The following PLA2G4C variants were observed in gnomAD, a reference collection of about 807,000 sequenced individuals.
PLA2G4C encodes phospholipase A2 group IVC.
A neutral mutation model predicts 73.8 loss-of-function variants in PLA2G4C; 64 were observed. The ratio of observed to expected loss-of-function variants is 0.87; its 90% confidence interval spans 0.71 to 1.07. The LOEUF is 1.07. Among genes scored for constraint, PLA2G4C ranks in the 50% least tolerant of loss-of-function variants. The pLI is 0.00. For missense variants in PLA2G4C, 622 were observed against 665.4 expected (o/e 0.93, Z 0.72); for synonymous variants, 254 against 252.1 (o/e 1.01, Z -0.07).
intron 10 of PLA2G4C, among the ~76,000 whole-genome samples, chr19:48,083,474 T>C (rs2030774303): frequency 6.7e-6 from 1 of 149,446 alleles, no homozygotes; most frequent in Middle Eastern, 3.2e-3. Flanking sequence ...TGAGACTGTG[T>C]TTCACTCTTG....
chr19:48,055,638 ACTTTT>A (rs58862853), intron 14 of PLA2G4C, among the ~76,000 whole-genome samples: 1 of 151,114 alleles, frequency 6.6e-6, no homozygotes, highest in Non-Finnish European at 1.5e-5. Flanking sequence ...CCGTGAAGGT[ACTTTT>A]CTTTTCTTAT....
At chr19:48,063,615 A>C (rs1407250594) in intron 13 of PLA2G4C, among the ~76,000 whole-genome samples, 2 of 81,260 alleles carry the variant, frequency 2.5e-5, no homozygotes, top group African/African-American at 4.9e-5. Context: ...CCCCCCCACA[A>C]CACCACCCCA....
At chr19:48,065,937 T>A (rs1454680183) in intron 13 of PLA2G4C, among the ~76,000 whole-genome samples, 1 of 151,884 alleles carries the variant, frequency 6.6e-6, no homozygotes, top group East Asian at 1.9e-4. Context: ...CTACTAAAAA[T>A]ACAAAATTAG....
In PLA2G4C at chr19:48,099,806, G is replaced by A. The variant is rs747135432; in HGVS notation, c.312C>T (p.Asp104=). 1.2e-6 allele frequency: 2 copies of A among 1,613,958 alleles called. No homozygotes were observed. The highest frequency in any genetic ancestry group is 1.1e-5 in the South Asian group (1 of 91,080). The change falls in exon 5 of 17, where the codon GAC becomes GAT. Residue 104 remains aspartate, a synonymous_variant. Transcript: ENST00000599921. Reference sequence around the variant, plus strand: ...CCTGTCGGGTAAATCGATGTTTCAGGTCAGCCTCGAGAGCTTCCATGTCAC... The same window carrying A: ...CCTGTCGGGTAAATCGATGTTTCAGATCAGCCTCGAGAGCTTCCATGTCAC... ...NDGDMEALEA[D]LKHRFTRQEW...
intron 2 of PLA2G4C, among the ~76,000 whole-genome samples, chr19:48,105,978 C>CT (rs59145503): frequency 0.023 from 1,788 of 78,154 alleles, 535 homozygotes; most frequent in African/African-American, 0.16. Flanking sequence ...TTCTTTCTTT[C>CT]TTTCTTTCTT....
intron 9 of PLA2G4C, among the ~76,000 whole-genome samples, chr19:48,085,905 G>A (rs1382693621): frequency 6.6e-6 from 1 of 152,130 alleles, no homozygotes; most frequent in African/African-American, 2.4e-5. Flanking sequence ...AGGAGCTGTG[G>A]GAAGAACCCT....
At position 48,110,556 on chromosome 19, in the gene PLA2G4C, T is replaced by TGGGCTCCGGAATCCGGTGCGGAGGCTC. The variant is rs567318332; in HGVS notation, c.-103_-102insGAGCCTCCGCACCGGATTCCGGAGCCC. ...TGCTCCGGAATCCGGTGCGGAGGCT[T>TGGGCTCCGGAATCCGGTGCGGAGGCTC]GGGCTCCCTGCGCTTAGCGGTGTAG... On this transcript the variant is annotated 5_prime_UTR_variant, in exon 1 of 17. Transcript: ENST00000599921. 2.0e-3 allele frequency: 2,973 copies of TGGGCTCCGGAATCCGGTGCGGAGGCTC among 1,490,818 alleles called. 202 individuals carry two copies. In the African/African-American group the frequency reaches 0.037, roughly 19 times the overall value. 92.3% of individuals were successfully genotyped at this position (1,490,818 alleles called of 1,614,324 possible). A position where few individuals can be genotyped will look rare whatever the true frequency, so the allele number is the denominator to read the frequency against.
chr19:48,098,370 G>A (rs1343233025), intron 5 of PLA2G4C, 111 bp from the exon 6 acceptor site: 1 of 997,502 alleles, frequency 1.0e-6, no homozygotes, highest in Non-Finnish European at 1.4e-6. Context: ...CTGTCACCCA[G>A]GCTGGAGTGC....
chr19:48,097,378 G>A (rs887288651), intron 6 of PLA2G4C, among the ~76,000 whole-genome samples: 27 of 144,418 alleles, frequency 1.9e-4, no homozygotes, highest in Middle Eastern at 7.8e-3. Context: ...TCAGCCTCCC[G>A]AGCAGCTGGG....
Position 48,070,825 on chromosome 19 carries a change from A to T in PLA2G4C, c.1007-2939T>A, listed in dbSNP as rs369917577. On this transcript the variant is annotated intron_variant, in intron 12 of 16. Transcript: ENST00000599921. ...ATCTAGGTGATGGGTTGATAAGTGC[A>T]GCAAACCACCATGGCATACGTTTAC... Among the ~76,000 whole-genome samples the T allele has an allele frequency of 2.9e-4, 44 of 152,338 alleles. 2 individuals carry two copies. In the East Asian group the frequency reaches 4.6e-3, roughly 16 times the overall value.
At chr19:48,106,763 A>C in intron 1 of PLA2G4C, 1 of 565,070 alleles carries the variant, frequency 1.8e-6, no homozygotes. Context: ...TGGGAGAAAT[A>C]TTTCAAGCGC....
Position 48,085,276 on chromosome 19 carries a change from C to T in PLA2G4C, c.791-164G>A, listed in dbSNP as rs116816155. 4.1e-3 allele frequency among the ~76,000 whole-genome samples: 622 copies of T among 152,290 alleles called. 3 individuals are homozygous for T. Among genetic ancestry groups the T allele is most frequent in the African/African-American group, 0.014 (575 of 41,568 alleles). On this transcript the variant is annotated intron_variant, in intron 9 of 16. Transcript: ENST00000599921. Reference sequence around the variant, plus strand: ...ATATTTATGAAGCAATCAGTGGGCACCCGGCACTCTTCTGACTGTTGGAAT... The same window carrying T: ...ATATTTATGAAGCAATCAGTGGGCATCCGGCACTCTTCTGACTGTTGGAAT...
intron 1 of PLA2G4C, among the ~76,000 whole-genome samples, chr19:48,108,291 C>T (rs543189748): frequency 5.9e-5 from 9 of 152,188 alleles, no homozygotes; most frequent in Admixed American, 3.9e-4. Context: ...TGCACCACCA[C>T]GTCTGGCAAA....
intron 3 of PLA2G4C, among the ~76,000 whole-genome samples, chr19:48,105,082 CAAAAAAAAAAA>C (rs3083068): frequency 4.6e-5 from 4 of 87,620 alleles, no homozygotes; most frequent in East Asian, 3.5e-4. Flanking sequence ...GACGTTGTCT[CAAAAAAAAAAA>C]AAAAAAAAAA....
intron 12 of PLA2G4C, among the ~76,000 whole-genome samples, chr19:48,071,008 A>G (rs1406563240): frequency 6.6e-6 from 1 of 152,198 alleles, no homozygotes; most frequent in Non-Finnish European, 1.5e-5. Flanking sequence ...TAAAATAAAT[A>G]TCTCTAGTTA....
chr19:48,059,506 A>G (rs1160862271), intron 14 of PLA2G4C, among the ~76,000 whole-genome samples: 1 of 152,066 alleles, frequency 6.6e-6, no homozygotes, highest in Non-Finnish European at 1.5e-5. Flanking sequence ...CTAGGAGAGG[A>G]AGACTCACCC....
At chr19:48,084,910 G>T in intron 10 of PLA2G4C, 149 bp downstream of exon 10, 1 of 624,146 alleles carries the variant, frequency 1.6e-6, no homozygotes, top group Non-Finnish European at 2.9e-6. Context: ...CATAATCAAT[G>T]TTCAGTGTAT....
rs1289419831 is a variant in PLA2G4C at position 48,074,779 on chromosome 19, G to A, written c.994C>T (p.Pro332Ser). ...CTACACATGGTACCTTTCCTTTCGGGGTCCTCATGGGGCTGCTCCTGCTTT... is the reference window on the plus strand; with the variant it reads ...CTACACATGGTACCTTTCCTTTCGGAGTCCTCATGGGGCTGCTCCTGCTTT... ...LEKQEQPHED[P>S]ERKGSLSNLM... Residue 332 changes from proline (P) to serine (S), a missense_variant, in exon 12 of 17, where the codon CCC becomes TCC. Physicochemically the swap from Pro to Ser is moderately conservative, Grantham distance 74 (BLOSUM62 -1). Coordinates refer to ENST00000599921, the MANE Select transcript of PLA2G4C (RefSeq NM_003706.3). The A allele has an allele frequency of 6.8e-6, 11 of 1,610,296 alleles. No individual in the cohort carries two copies. Among genetic ancestry groups the A allele is most frequent in the Middle Eastern group, 1.6e-4 (1 of 6,074 alleles).
rs1568461519 is a variant in PLA2G4C at position 48,110,525 on chromosome 19, A to AGCTTGTGCTCCGGAATCCGGTGCGGAG, written c.-98_-72dup. 4.6e-5 allele frequency: 44 copies of AGCTTGTGCTCCGGAATCCGGTGCGGAG among 954,602 alleles called. No individual in the cohort carries two copies. The highest frequency in any genetic ancestry group is 2.1e-4 in the Admixed American group (5 of 23,846). The allele number at this position is 954,602 out of a possible 1,614,324, so 59.1% of individuals were successfully genotyped here. On this transcript the variant is annotated 5_prime_UTR_variant, in exon 1 of 17. Coordinates refer to ENST00000599921, the MANE Select transcript of PLA2G4C (RefSeq NM_003706.3). Reference sequence around the variant, plus strand: ...TGGGGCGTGTGCGCATGCGCGGTGGAGCTTGTGCTCCGGAATCCGGTGCGG... The same window carrying AGCTTGTGCTCCGGAATCCGGTGCGGAG: ...TGGGGCGTGTGCGCATGCGCGGTGGAGCTTGTGCTCCGGAATCCGGTGCGGAGGCTTGTGCTCCGGAATCCGGTGCGG...
Sources: allele counts gnomAD v4.1 joint callset (sites outside exome capture counted in the v4.1 genomes callset), GRCh38; gene constraint gnomAD v4.1.1; transcripts MANE v1.5; gene names NCBI Gene and HGNC (gene_info 2026-07-23, HGNC 2026-07-21).